IKBKE: variants seen among roughly 807,000 people sequenced by gnomAD.
The protein encoded by IKBKE is inhibitor of nuclear factor kappa-B kinase subunit epsilon.
In IKBKE, 45 loss-of-function variants were observed where a neutral mutation model predicts 92.1. The observed-to-expected ratio is 0.49, with a 90% CI of 0.38 to 0.63. IKBKE has a LOEUF of 0.63. IKBKE is among the 20% of genes least tolerant of loss of function. IKBKE has a pLI of 0.00. For missense variants in IKBKE, 700 were observed against 932.8 expected (o/e 0.75, Z 3.25); for synonymous variants, 374 against 380.3 (o/e 0.98, Z 0.19).
chr1:206,492,321 C>A, intron 18 of IKBKE: 1 of 403,708 alleles, frequency 2.5e-6, no homozygotes, highest in East Asian at 7.2e-5. Flanking sequence ...CCTGTGTGAA[C>A]ACTGGCCCCT....
chr1:206,475,134 T>C, intron 5 of IKBKE, 140 bp downstream of exon 5: 1 of 880,962 alleles, frequency 1.1e-6, no homozygotes, highest in Non-Finnish European at 1.7e-6. Flanking sequence ...AAAAAGATTG[T>C]ACACCAATGT....
In IKBKE at chr1:206,493,906, T is replaced by C; in HGVS notation, c.2046-14T>C. The C allele has an allele frequency of 6.2e-7, 1 of 1,613,450 alleles. No homozygotes were observed. Among genetic ancestry groups the C allele is most frequent in the Non-Finnish European group, 8.5e-7 (1 of 1,179,600 alleles). ...TCCAGCCTCAGCCGCCTCTCCTGCC[T>C]CTGCCTTGGGCAGCATGCAAGAGCT... On this transcript the variant is annotated splice_polypyrimidine_tract_variant and intron_variant, in intron 20 of 21. Transcript: ENST00000581977.
rs150227383 is a variant in IKBKE, at chr1:206,478,816, C to T, written c.993-127C>T. 1.5e-3 allele frequency: 1,096 copies of T among 754,102 alleles called. 2 individuals are homozygous for T. Among genetic ancestry groups the T allele is most frequent in the Non-Finnish European group, 2.2e-3 (919 of 427,116 alleles). 46.7% of individuals were successfully genotyped at this position (754,102 alleles called of 1,614,324 possible). A position where few individuals can be genotyped will look rare whatever the true frequency, so the allele number is the denominator to read the frequency against. On this transcript the variant is annotated intron_variant, in intron 9 of 21. Coordinates refer to ENST00000581977, the MANE Select transcript of IKBKE (RefSeq NM_014002.4). The surrounding 1 kb of genome is among the most constrained non-coding windows in gnomAD (Gnocchi z 4.8). ...CCTTGATGACAGAGAAAACCACCCC[C>T]GTCCCTCCCTCTGCAAAACAGAGCC...
chr1:206,490,187 C>G lies in IKBKE; in HGVS notation c.1694-632C>G, dbSNP rs545023690. Among the ~76,000 whole-genome samples the G allele has an allele frequency of 1.3e-5, 2 of 152,282 alleles. No homozygotes were observed. The highest frequency in any genetic ancestry group is 2.4e-5 in the African/African-American group (1 of 41,570). On this transcript the variant is annotated intron_variant, in intron 16 of 21. Transcript: ENST00000581977. The surrounding 1 kb of genome is among the most constrained non-coding windows in gnomAD (Gnocchi z 5.2). ...GAGAGGAGTGGGATGGGGAGGCCCT[C>G]GAAGTGAACCGCCATCATCATTTCA...
intron 13 of IKBKE, among the ~76,000 whole-genome samples, chr1:206,483,255 A>C (rs1414802972): frequency 6.6e-6 from 1 of 152,252 alleles, no homozygotes; most frequent in Non-Finnish European, 1.5e-5. Context: ...TGAGGCCTGG[A>C]GAGCTAAAGG....
In IKBKE at chr1:206,496,257, T is replaced by G; in HGVS notation, c.*112T>G. The G allele has an allele frequency of 1.2e-6, 1 of 868,684 alleles. No homozygotes were observed. The highest frequency in any genetic ancestry group is 1.4e-5 in the South Asian group (1 of 71,982). The allele number at this position is 868,684 out of a possible 1,614,324, so 53.8% of individuals were successfully genotyped here. Reference sequence around the variant, plus strand: ...TCCCATCCCATCACATCAGCCTACCTCCCTCCTGGCTGCTGGCCAGGATGT... The same window carrying G: ...TCCCATCCCATCACATCAGCCTACCGCCCTCCTGGCTGCTGGCCAGGATGT... On this transcript the variant is annotated 3_prime_UTR_variant, in exon 22 of 22. Coordinates refer to ENST00000581977, the MANE Select transcript of IKBKE (RefSeq NM_014002.4).
chr1:206,492,314 G>C (rs782517001), intron 18 of IKBKE: 2 of 399,568 alleles, frequency 5.0e-6, no homozygotes, highest in African/African-American at 2.1e-5. Context: ...TCCCCTGCCT[G>C]TGTGAACACT....
intron 17 of IKBKE, chr1:206,491,183 G>T (rs1225911739): frequency 1.4e-5 from 6 of 437,688 alleles, no homozygotes; most frequent in Non-Finnish European, 2.5e-5. Flanking sequence ...AACCTTCCCT[G>T]CCTCCCCCCG....
chr1:206,489,398 T>C (rs578055663), intron 16 of IKBKE, among the ~76,000 whole-genome samples: 1,353 of 119,720 alleles, frequency 0.011, 14 homozygotes, highest in South Asian at 0.031. Flanking sequence ...TATATATATA[T>C]ATACACACAC....
chr1:206,492,226 C>T (rs375009876), intron 18 of IKBKE: 3 of 355,368 alleles, frequency 8.4e-6, no homozygotes, highest in South Asian at 2.1e-5. Flanking sequence ...TGGCAGTGGC[C>T]CTTAAGTAGA....
rs1215618351 is a variant in IKBKE, at chr1:206,485,565, G to T, written c.1616+259G>T. On this transcript the variant is annotated intron_variant, in intron 15 of 21. Coordinates refer to ENST00000581977, the MANE Select transcript of IKBKE (RefSeq NM_014002.4). This position sits in a 1 kb window ranked among gnomAD's most constrained non-coding sequence, Gnocchi z 5.0. ...AGGAATGCCTCGGGAATCTTAGCAG[G>T]TGCTATAATTCTGAATAAAAGAAGA... is the stretch of plus-strand genomic sequence containing the variant. 6.6e-6 allele frequency among the ~76,000 whole-genome samples: 1 copy of T among 152,168 alleles called. No individual in the cohort carries two copies. Among genetic ancestry groups the T allele is most frequent in the African/African-American group, 2.4e-5 (1 of 41,428 alleles).
intron 13 of IKBKE, among the ~76,000 whole-genome samples, chr1:206,482,823 A>G (rs41299003): frequency 0.24 from 35,888 of 152,178 alleles, 5,049 homozygotes; most frequent in East Asian, 0.63. Context: ...AGACCTGTAG[A>G]TTCTCCTAAG....
At chr1:206,474,498 G>C in intron 4 of IKBKE, 27 bp downstream of exon 4, 1 of 1,599,604 alleles carries the variant, frequency 6.3e-7, no homozygotes. Context: ...GTCAGAGAAT[G>C]GTCTTGTCCT....
intron 5 of IKBKE, chr1:206,475,214 T>A: frequency 3.7e-6 from 2 of 538,114 alleles, no homozygotes; most frequent in Non-Finnish European, 6.5e-6. Context: ...ATGTGGGAGG[T>A]ACCTAAAATA....
chr1:206,491,010 G>C (rs905358046), intron 17 of IKBKE, 152 bp downstream of exon 17: 8 of 715,458 alleles, frequency 1.1e-5, no homozygotes, highest in Non-Finnish European at 2.0e-5. Context: ...TGGGGCCAGG[G>C]GAGGGAGTAT....
chr1:206,483,959 C>A (rs1226235346), intron 13 of IKBKE, among the ~76,000 whole-genome samples: 3 of 151,400 alleles, frequency 2.0e-5, no homozygotes, highest in African/African-American at 7.3e-5. Flanking sequence ...TATTTTATTT[C>A]TTTTCTTTTT....
At position 206,478,978 on chromosome 1, in the gene IKBKE, C is replaced by T; in HGVS notation, c.1028C>T (p.Thr343Ile). The T allele has an allele frequency of 6.2e-6, 10 of 1,614,116 alleles. No homozygotes were observed. Among genetic ancestry groups the T allele is most frequent in the Non-Finnish European group, 8.5e-6 (10 of 1,180,018 alleles). Reference protein sequence around the residue: ...AIFQEAVHKQTSVAPRHQEYL... With the variant: ...AIFQEAVHKQISVAPRHQEYL... ...TTCCAGGAGGCCGTGCACAAGCAGACCAGTGTGGCCCCCCGACACCAGGAG... is the reference window on the plus strand; with the variant it reads ...TTCCAGGAGGCCGTGCACAAGCAGATCAGTGTGGCCCCCCGACACCAGGAG... The change falls in exon 10 of 22, where the codon ACC (threonine) becomes ATC (isoleucine). Residue 343 changes from threonine (T) to isoleucine (I), a missense_variant. Coordinates refer to ENST00000581977, the MANE Select transcript of IKBKE (RefSeq NM_014002.4). The surrounding 1 kb of genome is among the most constrained non-coding windows in gnomAD (Gnocchi z 4.8).
rs12079548 is a variant in IKBKE, at chr1:206,474,623, G to A, written c.228+152G>A. 2.9e-3 allele frequency: 2,518 copies of A among 865,622 alleles called. 43 individuals carry two copies. The African/African-American group carries it at 0.036, about 13-fold the overall frequency. 53.6% of individuals were successfully genotyped at this position (865,622 alleles called of 1,614,324 possible). ...GCAGAAGGGAGCAAAGGGGGCAAGG[G>A]GGTGGGGGCGGTGCACTGGAAAGGA... is the stretch of plus-strand genomic sequence containing the variant. On this transcript the variant is annotated intron_variant, in intron 4 of 21. Transcript: ENST00000581977.
chr1:206,476,908 G>T lies in IKBKE; in HGVS notation c.701+70G>T, dbSNP rs1314309513. On this transcript the variant is annotated intron_variant, in intron 7 of 21. Coordinates refer to ENST00000581977, the MANE Select transcript of IKBKE (RefSeq NM_014002.4). The surrounding 1 kb of genome is among the most constrained non-coding windows in gnomAD (Gnocchi z 5.1). ...CCTGGCCCTTCCCCCACCGGTCCTT[G>T]CTGTGTCTTCTGGTCCCCTCACACT... 1 of 1,563,412 alleles carries T rather than the reference G, an allele frequency of 6.4e-7. No homozygotes were observed. Among genetic ancestry groups the T allele is most frequent in the Non-Finnish European group, 8.8e-7 (1 of 1,139,882 alleles).
Sources: gnomAD v4.1 joint callset for allele counts (sites outside exome capture counted in the v4.1 genomes callset) on GRCh38, gnomAD v4.1.1 for gene constraint, Gnocchi (gnomAD v3.1) non-coding constraint, MANE v1.5 for transcripts, NCBI Gene and HGNC (gene_info 2026-07-23, HGNC 2026-07-21) for gene names.